Variants in GNG12 observed in about 807,000 individuals in gnomAD.
GNG12 encodes G protein subunit gamma 12.
For synonymous variants in GNG12, 28 were observed against 29.7 expected (o/e 0.94, Z 0.19); for missense variants, 69 against 83.8 (o/e 0.82, Z 0.69).
chr1:67,803,356 A>T (rs1345278368), intron 1 of GNG12, among the ~76,000 whole-genome samples: 1 of 151,330 alleles, frequency 6.6e-6, no homozygotes, highest in East Asian at 1.9e-4. Flanking sequence ...TCTATAAATT[A>T]AAAAAAAAAT....
At chr1:67,749,848 GA>G (rs1441059779) in intron 2 of GNG12, among the ~76,000 whole-genome samples, 1 of 152,180 alleles carries the variant, frequency 6.6e-6, no homozygotes, top group African/African-American at 2.4e-5. Flanking sequence ...GGAGAGAAAT[GA>G]AAAGCAACAG....
At chr1:67,818,431 T>TTG (rs1646966464) in intron 1 of GNG12, among the ~76,000 whole-genome samples, 1 of 148,868 alleles carries the variant, frequency 6.7e-6, no homozygotes, top group African/African-American at 2.5e-5. Context: ...TTTTTTTTTT[T>TTG]TTTTTTTTTT....
chr1:67,750,101 G>A (rs539508622), intron 2 of GNG12, among the ~76,000 whole-genome samples: 4 of 152,250 alleles, frequency 2.6e-5, no homozygotes, highest in East Asian at 1.9e-4. Flanking sequence ...CAACAAAAAC[G>A]GAGCAGAAAG....
chr1:67,802,851 C>T (rs1484779363), intron 1 of GNG12, among the ~76,000 whole-genome samples: 1 of 152,220 alleles, frequency 6.6e-6, no homozygotes, highest in Non-Finnish European at 1.5e-5. Flanking sequence ...CTACACATGA[C>T]CCTTGTCCTG....
intron 1 of GNG12, among the ~76,000 whole-genome samples, chr1:67,815,652 T>C (rs940714556): frequency 6.6e-6 from 1 of 152,074 alleles, no homozygotes; most frequent in Non-Finnish European, 1.5e-5. Context: ...GTAGGAAGAG[T>C]TTTCTGTTCA....
intron 1 of GNG12, among the ~76,000 whole-genome samples, chr1:67,832,867 C>T (rs1024997488): frequency 6.6e-6 from 1 of 152,188 alleles, no homozygotes; most frequent in African/African-American, 2.4e-5. Flanking sequence ...CCCCCACATG[C>T]CAGCCCTCCT....
intron 2 of GNG12, among the ~76,000 whole-genome samples, chr1:67,751,740 CTT>C (rs1430996288): frequency 6.6e-6 from 1 of 152,208 alleles, no homozygotes; most frequent in Non-Finnish European, 1.5e-5. Flanking sequence ...TGAGACATCT[CTT>C]GTGTCTCTAT....
In GNG12 at chr1:67,806,361, T is replaced by C. The variant is rs1241718819; in HGVS notation, c.-77+26983A>G. The stretch of plus-strand genomic sequence containing the variant: ...ATCCTGGAACAACACAGGTTTGAAC[T>C]GAGAAGGTCCACTTCTACTTGGATT... On this transcript the variant is annotated intron_variant, in intron 1 of 3. Coordinates refer to ENST00000370982, the MANE Select transcript of GNG12 (RefSeq NM_018841.6). 3.3e-5 allele frequency among the ~76,000 whole-genome samples: 5 copies of C among 152,274 alleles called. No homozygotes were observed. In the East Asian group the frequency reaches 9.6e-4, roughly 29 times the overall value.
chr1:67,830,579 T>A (rs538127326), intron 1 of GNG12, among the ~76,000 whole-genome samples: 1 of 152,372 alleles, frequency 6.6e-6, no homozygotes, highest in African/African-American at 2.4e-5. Context: ...CCTGGCTTAA[T>A]TTCTTACCTA....
intron 1 of GNG12, among the ~76,000 whole-genome samples, chr1:67,820,206 T>G (rs747933006): frequency 2.0e-5 from 3 of 151,786 alleles, no homozygotes; most frequent in Non-Finnish European, 4.4e-5. Flanking sequence ...CTGACCAATA[T>G]GGTGAAACTC....
intron 2 of GNG12, among the ~76,000 whole-genome samples, chr1:67,762,428 A>G (rs1646611011): frequency 6.6e-6 from 1 of 152,228 alleles, no homozygotes; most frequent in African/African-American, 2.4e-5. Flanking sequence ...GAGGCTTAAG[A>G]GGTCATCTCA....
intron 1 of GNG12, among the ~76,000 whole-genome samples, chr1:67,819,405 G>A (rs1167856924): frequency 2.0e-5 from 3 of 152,116 alleles, no homozygotes; most frequent in East Asian, 3.9e-4. Context: ...TGTGATCTTC[G>A]TTTACTGAAT....
intron 2 of GNG12, among the ~76,000 whole-genome samples, chr1:67,759,189 T>C (rs991864896): frequency 1.6e-4 from 24 of 152,062 alleles, no homozygotes; most frequent in Admixed American, 3.9e-4. Context: ...TTTTAAGAAG[T>C]TAGGGGTGAA....
At chr1:67,787,447 T>G (rs997826088) in intron 1 of GNG12, among the ~76,000 whole-genome samples, 1 of 152,018 alleles carries the variant, frequency 6.6e-6, no homozygotes, top group Non-Finnish European at 1.5e-5. Context: ...AGTTCTCAAG[T>G]GGAGTCCTTA....
At chr1:67,786,144 G>C (rs1437465133) in intron 1 of GNG12, among the ~76,000 whole-genome samples, 1 of 152,196 alleles carries the variant, frequency 6.6e-6, no homozygotes, top group African/African-American at 2.4e-5. Flanking sequence ...TGAGCCATGA[G>C]ATCTTCAAAA....
chr1:67,735,109 G>A (rs2100704818), intron 2 of GNG12, among the ~76,000 whole-genome samples: 1 of 152,172 alleles, frequency 6.6e-6, no homozygotes, highest in African/African-American at 2.4e-5. Context: ...ACCCTCCTTG[G>A]CCTTCCAAAA....
chr1:67,706,751 A>C (rs551622805), intron 3 of GNG12, among the ~76,000 whole-genome samples: 10 of 149,624 alleles, frequency 6.7e-5, no homozygotes, highest in Non-Finnish European at 1.0e-4. Context: ...TGCCTCCTAG[A>C]TTCAAGCAAT....
At chr1:67,796,149 A>G (rs1646830354) in intron 1 of GNG12, among the ~76,000 whole-genome samples, 1 of 152,250 alleles carries the variant, frequency 6.6e-6, no homozygotes, top group African/African-American at 2.4e-5. Flanking sequence ...CTGACAAAAG[A>G]CATCCATTTA....
Position 67,729,663 on chromosome 1 carries a change from G to C in GNG12, c.-26-21951C>G, listed in dbSNP as rs147231590. On this transcript the variant is annotated intron_variant, in intron 2 of 3. Coordinates refer to ENST00000370982, the MANE Select transcript of GNG12 (RefSeq NM_018841.6). ...AAGGCTTTTAATCCATCAGACTGTT[G>C]GCAAAAGCAAATTAAACAGGTATGA... Among the ~76,000 whole-genome samples the C allele has an allele frequency of 2.6e-5, 4 of 152,098 alleles. No homozygotes were observed. The South Asian group carries it at 8.3e-4, about 32-fold the overall frequency.
Sources: gnomAD v4.1 joint callset for allele counts (sites outside exome capture counted in the v4.1 genomes callset) on GRCh38, gnomAD v4.1.1 for gene constraint, MANE v1.5 for transcripts, NCBI Gene and HGNC (gene_info 2026-07-23, HGNC 2026-07-21) for gene names.